The following GALNT18 variants were observed in gnomAD, a reference collection of about 807,000 sequenced individuals.
GALNT18 encodes polypeptide N-acetylgalactosaminyltransferase 18.
Under a neutral mutation model 69.5 loss-of-function variants are expected in GALNT18, and 44 were observed. That is an observed-to-expected ratio of 0.63 (90% CI 0.50 to 0.81). The LOEUF is 0.81. Ranked by LOEUF, GALNT18 falls within the 40% of genes least tolerant of loss-of-function variation. The probability of loss-of-function intolerance (pLI) is 0.00; values close to 1 mark genes in which losing one functional copy is unlikely to be tolerated. For synonymous variants in GALNT18, 364 were observed against 318.2 expected (o/e 1.14, Z -1.53); for missense variants, 715 against 810.0 (o/e 0.88, Z 1.42).
chr11:11,377,426 GA>G lies in GALNT18; in HGVS notation c.780-48del, dbSNP rs1564918462. 1.3e-6 allele frequency: 2 copies of G among 1,562,042 alleles called. No homozygotes were observed. Among genetic ancestry groups the G allele is most frequent in the Non-Finnish European group, 1.8e-6 (2 of 1,134,782 alleles). On this transcript the variant is annotated intron_variant, in intron 4 of 10. Transcript: ENST00000227756. The surrounding 1 kb of genome is among the most constrained non-coding windows in gnomAD (Gnocchi z 4.6). Reference sequence around the variant, plus strand: ...AGAGAGGGTAACCATTTCCAAGGTGGAAAAATCCAGAGTAGCATCTCCTGAA... The same window carrying G: ...AGAGAGGGTAACCATTTCCAAGGTGGAAAATCCAGAGTAGCATCTCCTGAA...
At chr11:11,273,451 A>C (rs56759017) in intron 10 of GALNT18, among the ~76,000 whole-genome samples, 4,557 of 152,326 alleles carry the variant, frequency 0.03, 235 homozygotes, top group African/African-American at 0.1. Context: ...AAAAATGCTC[A>C]ACATCAGTAA....
chr11:11,615,057 C>T (rs1050603020), intron 1 of GALNT18, among the ~76,000 whole-genome samples: 2 of 152,182 alleles, frequency 1.3e-5, no homozygotes, highest in African/African-American at 4.8e-5. Context: ...ATCACTGTTA[C>T]TAATATAATT....
rs1853947880 is a variant in GALNT18 at position 11,382,633 on chromosome 11, T to C, written c.596-3369A>G. 6.6e-6 allele frequency among the ~76,000 whole-genome samples: 1 copy of C among 152,296 alleles called. No homozygotes were observed. The highest frequency in any genetic ancestry group is 1.5e-5 in the Non-Finnish European group (1 of 68,012). On this transcript the variant is annotated intron_variant, in intron 3 of 10. Coordinates refer to ENST00000227756, the MANE Select transcript of GALNT18 (RefSeq NM_198516.3). This position sits in a 1 kb window ranked among gnomAD's most constrained non-coding sequence, Gnocchi z 4.3. ...GGCTGCCAGGAAGCTCAAAGACAAATATAATGACTAATCACAAAGATTTTA... is the reference window on the plus strand; with the variant it reads ...GGCTGCCAGGAAGCTCAAAGACAAACATAATGACTAATCACAAAGATTTTA...
chr11:11,273,154 T>C (rs532780174), intron 10 of GALNT18, among the ~76,000 whole-genome samples: 1 of 152,192 alleles, frequency 6.6e-6, no homozygotes, highest in Non-Finnish European at 1.5e-5. Flanking sequence ...AACAATTTCT[T>C]GAGACAGACC....
chr11:11,460,499 C>T (rs368455891), intron 1 of GALNT18, among the ~76,000 whole-genome samples: 57 of 152,314 alleles, frequency 3.7e-4, no homozygotes, highest in Middle Eastern at 3.4e-3. Flanking sequence ...AAAGGTGCAG[C>T]GCACCTGAGG....
Position 11,542,726 on chromosome 11 carries a change from T to C in GALNT18, c.235+78633A>G, listed in dbSNP as rs1360874043. 6.6e-6 allele frequency among the ~76,000 whole-genome samples: 1 copy of C among 152,266 alleles called. No individual in the cohort carries two copies. On this transcript the variant is annotated intron_variant, in intron 1 of 10. Transcript: ENST00000227756. The surrounding 1 kb of genome is among the most constrained non-coding windows in gnomAD (Gnocchi z 4.3). ...TGTATCACATTTGTGTAAAGCAAATTTCAGTTTGCCTTTGAGTTCCTTTAT... is the reference window on the plus strand; with the variant it reads ...TGTATCACATTTGTGTAAAGCAAATCTCAGTTTGCCTTTGAGTTCCTTTAT...
chr11:11,525,460 G>A (rs1030918325), intron 1 of GALNT18, among the ~76,000 whole-genome samples: 2 of 152,016 alleles, frequency 1.3e-5, no homozygotes, highest in East Asian at 1.9e-4. Flanking sequence ...TTTCAGTGGC[G>A]AAATCGGTAA....
chr11:11,621,304 C>T lies in GALNT18; in HGVS notation c.235+55G>A, dbSNP rs1860185657. On this transcript the variant is annotated intron_variant, in intron 1 of 10. Transcript: ENST00000227756. The surrounding 1 kb of genome is among the most constrained non-coding windows in gnomAD (Gnocchi z 9.3). ...GCACCAGCCCCAGCGCACCCCGCGC[C>T]GCGCGGGGCACTCCCGGGCCTCATG... 22 of 1,475,212 alleles carry T rather than the reference C, an allele frequency of 1.5e-5. No homozygotes were observed. Among genetic ancestry groups the T allele is most frequent in the Non-Finnish European group, 2.1e-5 (22 of 1,066,880 alleles). 91.4% of individuals were successfully genotyped at this position (1,475,212 alleles called of 1,614,324 possible). A position where few individuals can be genotyped will look rare whatever the true frequency, so the allele number is the denominator to read the frequency against.
chr11:11,285,175 C>T (rs1849170203), intron 10 of GALNT18, among the ~76,000 whole-genome samples: 1 of 152,036 alleles, frequency 6.6e-6, no homozygotes, highest in Non-Finnish European at 1.5e-5. Flanking sequence ...CCCCAAACTC[C>T]CATTGCAGCG....
intron 1 of GALNT18, among the ~76,000 whole-genome samples, chr11:11,526,606 T>C (rs982164629): frequency 2.0e-5 from 3 of 152,178 alleles, no homozygotes; most frequent in Non-Finnish European, 4.4e-5. Flanking sequence ...CGGTAGCTTA[T>C]ATCACAAAGG....
At chr11:11,544,578 G>C (rs1335726613) in intron 1 of GALNT18, among the ~76,000 whole-genome samples, 1 of 152,162 alleles carries the variant, frequency 6.6e-6, no homozygotes, top group Admixed American at 6.5e-5. Context: ...TAAGTTCTAG[G>C]ATACATGTGC....
intron 1 of GALNT18, among the ~76,000 whole-genome samples, chr11:11,578,311 C>T (rs1055987476): frequency 1.2e-4 from 8 of 64,406 alleles, no homozygotes; most frequent in African/African-American, 6.3e-4. Flanking sequence ...GAGAAGGAGC[C>T]GAAAAACATA....
intron 1 of GALNT18, among the ~76,000 whole-genome samples, chr11:11,550,857 T>A (rs1370591535): frequency 6.6e-6 from 1 of 152,204 alleles, no homozygotes; most frequent in African/African-American, 2.4e-5. Flanking sequence ...GTGGCTACCA[T>A]CCTGAATATT....
chr11:11,278,493 C>T lies in GALNT18; in HGVS notation c.1678-7203G>A, dbSNP rs146594678. On this transcript the variant is annotated intron_variant, in intron 10 of 10. Transcript: ENST00000227756. ...AAAACCTGCACATTCTGCACATGTA[C>T]CCCAGAACTTATAGTATAAAAAAAA... 6.7e-3 allele frequency among the ~76,000 whole-genome samples: 1,015 copies of T among 151,784 alleles called. 13 individuals carry two copies. Among genetic ancestry groups the T allele is most frequent in the African/African-American group, 0.023 (971 of 41,350 alleles).
At chr11:11,545,398 G>A (rs1858029917) in intron 1 of GALNT18, among the ~76,000 whole-genome samples, 1 of 152,200 alleles carries the variant, frequency 6.6e-6, no homozygotes, top group Non-Finnish European at 1.5e-5. Context: ...ATGGGCTCTG[G>A]GTCACCTGTG....
chr11:11,579,442 T>C (rs1316041193), intron 1 of GALNT18, among the ~76,000 whole-genome samples: 1 of 152,204 alleles, frequency 6.6e-6, no homozygotes, highest in Admixed American at 6.5e-5. Flanking sequence ...AATAAACTCC[T>C]ATGCAAACCT....
intron 2 of GALNT18, among the ~76,000 whole-genome samples, chr11:11,446,057 G>T (rs2133815701): frequency 6.6e-6 from 1 of 152,284 alleles, no homozygotes; most frequent in East Asian, 1.9e-4. Context: ...ATAAACAATG[G>T]TGGGCCGATG....
intron 9 of GALNT18, among the ~76,000 whole-genome samples, chr11:11,305,242 G>A (rs773153854): frequency 1.3e-5 from 2 of 152,226 alleles, no homozygotes; most frequent in African/African-American, 2.4e-5. Flanking sequence ...TGCAGAGTGT[G>A]CCTTTTTAGT....
Position 11,341,487 on chromosome 11 carries a change from C to T in GALNT18, c.1093-483G>A, listed in dbSNP as rs1178945209. Among the ~76,000 whole-genome samples, 1 of 152,136 alleles carries T rather than the reference C, an allele frequency of 6.6e-6. No individual in the cohort carries two copies. Among genetic ancestry groups the T allele is most frequent in the African/African-American group, 2.4e-5 (1 of 41,428 alleles). ...TGATCACCACAGAGAAGGGTGTCAC[C>T]AGACACCCTTCTTCTAGTGCATCTT... On this transcript the variant is annotated intron_variant, in intron 6 of 10. Transcript: ENST00000227756. This position sits in a 1 kb window ranked among gnomAD's most constrained non-coding sequence, Gnocchi z 6.3.
Sources: gnomAD v4.1 joint callset for allele counts (sites outside exome capture counted in the v4.1 genomes callset) on GRCh38, gnomAD v4.1.1 for gene constraint, Gnocchi (gnomAD v3.1) non-coding constraint, MANE v1.5 for transcripts, NCBI Gene and HGNC (gene_info 2026-07-23, HGNC 2026-07-21) for gene names.